Variants in ZFHX3 observed in about 807,000 individuals in gnomAD.
ZFHX3 encodes zinc finger homeobox protein 3.
Under a neutral mutation model 279.1 loss-of-function variants are expected in ZFHX3, and 42 were observed. That is an observed-to-expected ratio of 0.15 (90% CI 0.12 to 0.19). The LOEUF (loss-of-function observed/expected upper bound fraction) is 0.19, where lower values mean the gene tolerates loss of function less well. Ranked by LOEUF, ZFHX3 falls within the 10% of genes least tolerant of loss-of-function variation. The pLI is 1.00. For missense variants in ZFHX3, 4,981 were observed against 4,754.0 expected (o/e 1.05, Z -1.40); for synonymous variants, 2,293 against 1,957.8 (o/e 1.17, Z -4.52).
chr16:73,383,304 G>T (rs556975453), intron 3 of ZFHX3, among the ~76,000 whole-genome samples: 1 of 152,352 alleles, frequency 6.6e-6, no homozygotes, highest in South Asian at 2.1e-4. Context: ...GTGACAGGCA[G>T]CACAAAGAAA....
intron 4 of ZFHX3, among the ~76,000 whole-genome samples, chr16:73,296,724 C>T (rs2014919180): frequency 6.6e-6 from 1 of 152,020 alleles, no homozygotes; most frequent in African/African-American, 2.4e-5. Context: ...ATTCATTTGT[C>T]TAAGACAAAT....
intron 1 of ZFHX3, among the ~76,000 whole-genome samples, chr16:73,751,952 G>A (rs999902315): frequency 2.6e-5 from 4 of 152,176 alleles, no homozygotes; most frequent in Admixed American, 1.3e-4. Flanking sequence ...GGTCAATCGG[G>A]TTATTCTCTC....
intron 3 of ZFHX3, among the ~76,000 whole-genome samples, chr16:73,318,708 T>C (rs2015508886): frequency 6.6e-6 from 1 of 152,216 alleles, no homozygotes. Context: ...ATCACTGTCC[T>C]GTGCTGGTGG....
At chr16:73,821,876 C>A (rs570481210) in intron 1 of ZFHX3, among the ~76,000 whole-genome samples, 3 of 152,336 alleles carry the variant, frequency 2.0e-5, no homozygotes, top group African/African-American at 7.2e-5. Context: ...GCACCACTCA[C>A]ATGCTCCTGA....
intron 5 of ZFHX3, among the ~76,000 whole-genome samples, chr16:73,192,084 G>A (rs1232892883): frequency 6.6e-6 from 1 of 152,056 alleles, no homozygotes; most frequent in African/African-American, 2.4e-5. Context: ...TATTCCGAGG[G>A]GATCTGGGGA....
intron 5 of ZFHX3, among the ~76,000 whole-genome samples, chr16:73,249,698 T>C (rs1422021327): frequency 1.3e-5 from 2 of 152,156 alleles, no homozygotes; most frequent in Non-Finnish European, 2.9e-5. Context: ...AAGATTTCCT[T>C]AGGTTTTAAA....
chr16:72,910,154 C>T (rs957531603), intron 3 of ZFHX3, among the ~76,000 whole-genome samples: 1 of 152,158 alleles, frequency 6.6e-6, no homozygotes, highest in Non-Finnish European at 1.5e-5. Context: ...TAAGGTTATA[C>T]ACTTATTCAG....
intron 2 of ZFHX3, among the ~76,000 whole-genome samples, chr16:73,462,615 T>C (rs557168882): frequency 1.3e-5 from 2 of 152,234 alleles, no homozygotes; most frequent in Non-Finnish European, 2.9e-5. Flanking sequence ...GTTTTTATCA[T>C]GAATAGGTAT....
At chr16:73,194,035 C>T (rs113892474) in intron 5 of ZFHX3, among the ~76,000 whole-genome samples, 2 of 152,266 alleles carry the variant, frequency 1.3e-5, no homozygotes, top group East Asian at 1.9e-4. Flanking sequence ...CTGAGGGCCA[C>T]GGCTTGTATG....
At position 72,948,300 on chromosome 16, in the gene ZFHX3, G is replaced by A. The variant is rs1189762432; in HGVS notation, c.3216+2169C>T. ...GCACCATTTCAGGATCTCTCCTTCA[G>A]GTGCTGGGTCCACGTTCTACCCTGC... On this transcript the variant is annotated intron_variant, in intron 3 of 9. Transcript: ENST00000268489. Among the ~76,000 whole-genome samples the A allele has an allele frequency of 2.6e-5, 4 of 152,302 alleles. No individual in the cohort carries two copies. The East Asian group carries it at 7.7e-4, about 29-fold the overall frequency.
chr16:73,751,692 T>C (rs2053763759), intron 1 of ZFHX3, among the ~76,000 whole-genome samples: 1 of 152,216 alleles, frequency 6.6e-6, no homozygotes, highest in African/African-American at 2.4e-5. Context: ...AATTAGAAGT[T>C]AGGGGTCCTG....
intron 1 of ZFHX3, among the ~76,000 whole-genome samples, chr16:73,036,655 G>A (rs1016053229): frequency 6.6e-6 from 1 of 151,830 alleles, no homozygotes; most frequent in Non-Finnish European, 1.5e-5. Context: ...AGGGAGGAGG[G>A]GGACTGGGTG....
chr16:73,486,856 C>A, intron 2 of ZFHX3: 1 of 456,006 alleles, frequency 2.2e-6, no homozygotes, highest in Non-Finnish European at 4.4e-6. Context: ...TTACCCAGAA[C>A]CTGGAGCAAG....
intron 5 of ZFHX3, among the ~76,000 whole-genome samples, chr16:73,237,518 C>G (rs529028906): frequency 5.4e-4 from 79 of 147,338 alleles, no homozygotes; most frequent in African/African-American, 1.9e-3. Context: ...TGTGAGCCAC[C>G]AAATGCAGCC....
chr16:73,816,575 C>A (rs1960578141), intron 1 of ZFHX3, among the ~76,000 whole-genome samples: 1 of 151,910 alleles, frequency 6.6e-6, no homozygotes, highest in Non-Finnish European at 1.5e-5. Context: ...TGGCCTTGTA[C>A]AGAAAAAACT....
intron 2 of ZFHX3, among the ~76,000 whole-genome samples, chr16:73,604,794 C>T (rs1382814570): frequency 6.6e-6 from 1 of 151,548 alleles, no homozygotes; most frequent in African/African-American, 2.4e-5. Flanking sequence ...TTGTTCTGTG[C>T]CCCATGCTAA....
chr16:73,553,485 G>A (rs2020232482), intron 2 of ZFHX3, among the ~76,000 whole-genome samples: 1 of 152,188 alleles, frequency 6.6e-6, no homozygotes, highest in African/African-American at 2.4e-5. Flanking sequence ...AAGGTGAGCA[G>A]AGTCCAGACC....
intron 6 of ZFHX3, 38 bp downstream of exon 6, chr16:72,811,867 C>G (rs2036461991): frequency 6.6e-7 from 1 of 1,507,640 alleles, no homozygotes; most frequent in South Asian, 1.1e-5. Context: ...GTCTAAAACA[C>G]CTCACCTCCC....
intron 4 of ZFHX3, among the ~76,000 whole-genome samples, chr16:73,299,964 CTACTT>C (rs2015013796): frequency 6.6e-6 from 1 of 152,144 alleles, no homozygotes; most frequent in Admixed American, 6.6e-5. Flanking sequence ...TCTGAAGTCT[CTACTT>C]TATTTTGACT....
Sources: allele counts gnomAD v4.1 joint callset (sites outside exome capture counted in the v4.1 genomes callset), GRCh38; gene constraint gnomAD v4.1.1; transcripts MANE v1.5; gene names NCBI Gene and HGNC (gene_info 2026-07-23, HGNC 2026-07-21).